Variants in NLRC3 observed in about 807,000 individuals in gnomAD.
NLRC3 encodes the protein NLR family CARD domain containing 3, also known as NLR family CARD domain-containing protein 3.
In NLRC3, 87 loss-of-function variants were observed where a neutral mutation model predicts 91.6. The observed-to-expected ratio is 0.95, with a 90% CI of 0.80 to 1.14. The LOEUF (loss-of-function observed/expected upper bound fraction) is 1.14. Among genes scored for constraint, NLRC3 ranks in the 50% most tolerant of loss-of-function variants. The pLI, the probability that NLRC3 is intolerant of heterozygous loss-of-function variation, is 0.00. For missense variants in NLRC3, 1,577 were observed against 1,418.6 expected (o/e 1.11, Z -1.79); for synonymous variants, 694 against 625.3 (o/e 1.11, Z -1.64).
At chr16:3,574,773 C>G (rs914639634) in intron 1 of NLRC3, among the ~76,000 whole-genome samples, 1 of 152,104 alleles carries the variant, frequency 6.6e-6, no homozygotes, top group Non-Finnish European at 1.5e-5. Flanking sequence ...ACCAGCCTGA[C>G]CAACATGGCG....
intron 10 of NLRC3, 132 bp downstream of exon 10, chr16:3,552,064 T>C (rs539429676): frequency 3.2e-6 from 2 of 632,158 alleles, no homozygotes; most frequent in Admixed American, 2.6e-5. Context: ...CATCCATCCA[T>C]CCACCCACCC....
intron 6 of NLRC3, among the ~76,000 whole-genome samples, chr16:3,558,363 C>A (rs756732353): frequency 6.6e-6 from 1 of 152,000 alleles, no homozygotes; most frequent in Non-Finnish European, 1.5e-5. Context: ...CAAATGCTAG[C>A]AAACTGATTT....
intron 9 of NLRC3, among the ~76,000 whole-genome samples, chr16:3,553,923 T>TTTTTA (rs1173597470): frequency 6.6e-6 from 1 of 151,178 alleles, no homozygotes; most frequent in East Asian, 1.9e-4. Flanking sequence ...TTTTTTTTTT[T>TTTTTA]TTTAGTAGAG....
In NLRC3 at chr16:3,564,594, C is replaced by T; in HGVS notation, c.343G>A (p.Gly115Ser). The T allele has an allele frequency of 1.2e-6, 2 of 1,611,220 alleles. No homozygotes were observed. The highest frequency in any genetic ancestry group is 1.7e-6 in the Non-Finnish European group (2 of 1,179,668). Reference sequence around the variant, plus strand: ...GCGACGGTCCTGGCGGGGTGCCCGCCCCCGCGGGTGGCCTCCACCTGTGTG... The same window carrying T: ...GCGACGGTCCTGGCGGGGTGCCCGCTCCCGCGGGTGGCCTCCACCTGTGTG... The part of the protein sequence containing the change: ...DFTQVEATRG[G>S]GHPARTVALD... The change falls in exon 5 of 20, where the codon GGC becomes AGC. Residue 115 changes from glycine to serine, a missense_variant. Gly to Ser is a moderately conservative substitution (Grantham distance 56). Transcript: ENST00000359128. The surrounding 1 kb of genome is among the most constrained non-coding windows in gnomAD (Gnocchi z 5.9).
At chr16:3,551,967 G>A (rs1265094899) in intron 10 of NLRC3, among the ~76,000 whole-genome samples, 1 of 115,866 alleles carries the variant, frequency 8.6e-6, no homozygotes, top group Non-Finnish European at 1.8e-5. Flanking sequence ...CCACTCATCA[G>A]TGTATCCCTT....
chr16:3,575,305 A>G (rs1490161884), intron 1 of NLRC3, among the ~76,000 whole-genome samples: 1 of 152,204 alleles, frequency 6.6e-6, no homozygotes, highest in Non-Finnish European at 1.5e-5. Context: ...CCCTGCACGC[A>G]GCCCTAACAT....
Position 3,548,806 on chromosome 16 carries a change from C to T in NLRC3, c.2604-53G>A, listed in dbSNP as rs1176441143. On this transcript the variant is annotated intron_variant, in intron 13 of 19. Coordinates refer to ENST00000359128, the MANE Select transcript of NLRC3 (RefSeq NM_178844.4). The stretch of plus-strand genomic sequence containing the variant: ...AGCCGGGGGCCGGCTGTGAAGCCTC[C>T]GGTCCTTGGTCACCAGGGATTCCAG... 43 of 1,277,990 alleles carry T rather than the reference C, an allele frequency of 3.4e-5. No individual in the cohort carries two copies. In the East Asian group the frequency reaches 5.7e-4, roughly 17 times the overall value. The allele number at this position is 1,277,990 out of a possible 1,614,324, so 79.2% of individuals were successfully genotyped here.
At chr16:3,566,791 T>C (rs1303734328) in intron 2 of NLRC3, among the ~76,000 whole-genome samples, 1 of 151,580 alleles carries the variant, frequency 6.6e-6, no homozygotes, top group Non-Finnish European at 1.5e-5. Flanking sequence ...CTCAGGAGGC[T>C]GAGGCAGGAC....
chr16:3,551,021 C>G (rs1423640212), intron 10 of NLRC3, among the ~76,000 whole-genome samples: 2 of 151,910 alleles, frequency 1.3e-5, no homozygotes, highest in African/African-American at 4.8e-5. Flanking sequence ...ACCTACTCAC[C>G]TACCCACTTA....
intron 1 of NLRC3, among the ~76,000 whole-genome samples, chr16:3,576,212 T>C (rs2040285428): frequency 6.6e-6 from 1 of 152,148 alleles, no homozygotes; most frequent in Non-Finnish European, 1.5e-5. Flanking sequence ...AGCCTGGCCA[T>C]AGGGGAAGAC....
chr16:3,543,974 T>G, intron 16 of NLRC3: 1 of 420,766 alleles, frequency 2.4e-6, no homozygotes, highest in South Asian at 2.9e-5. Context: ...GCCAATATGG[T>G]GAAACCCCGT....
intron 19 of NLRC3, 54 bp downstream of exon 19, chr16:3,542,137 G>A (rs1433970632): frequency 7.7e-7 from 1 of 1,292,840 alleles, no homozygotes; most frequent in Non-Finnish European, 1.1e-6. Context: ...GCAAAAGGCA[G>A]TGCGCCACCT....
intron 19 of NLRC3, 75 bp downstream of exon 19, chr16:3,542,116 C>T: frequency 1.8e-6 from 2 of 1,119,322 alleles, no homozygotes; most frequent in South Asian, 1.3e-5. Context: ...TCAGCTGGCT[C>T]TCAGAACTGG....
At chr16:3,544,644 A>C (rs2038596843) in intron 15 of NLRC3, 1 of 325,320 alleles carries the variant, frequency 3.1e-6, no homozygotes, top group African/African-American at 2.1e-5. Context: ...AAATGAACTT[A>C]AAGCCCTCAA....
intron 11 of NLRC3, among the ~76,000 whole-genome samples, 170 bp downstream of exon 11, chr16:3,550,244 G>A (rs2038922452): frequency 6.6e-6 from 1 of 152,236 alleles, no homozygotes; most frequent in African/African-American, 2.4e-5. Flanking sequence ...AGCCCCCACT[G>A]TCTAGGGAAA....
chr16:3,540,496 G>A lies in NLRC3; in HGVS notation c.*1329C>T, dbSNP rs2038352446. The stretch of plus-strand genomic sequence containing the variant: ...AGCTGTGGCCACAGCAGTGGCTTTG[G>A]AAGCCTAGTAAGGAATGACATCACT... On this transcript the variant is annotated 3_prime_UTR_variant, in exon 20 of 20. Coordinates refer to ENST00000359128, the MANE Select transcript of NLRC3 (RefSeq NM_178844.4). 1 of 152,184 alleles carries A rather than the reference G, an allele frequency of 6.6e-6. No homozygotes were observed. Among genetic ancestry groups the A allele is most frequent in the Non-Finnish European group, 1.5e-5 (1 of 68,040 alleles). 9.4% of individuals were successfully genotyped at this position (152,184 alleles called of 1,614,324 possible). A position where few individuals can be genotyped will look rare whatever the true frequency, so the allele number is the denominator to read the frequency against.
chr16:3,544,282 C>T lies in NLRC3; in HGVS notation c.2819G>A (p.Arg940His), dbSNP rs371668578. The T allele has an allele frequency of 1.6e-4, 252 of 1,612,908 alleles. 1 individual carries two copies. Among genetic ancestry groups the T allele is most frequent in the Middle Eastern group, 1.5e-3 (9 of 6,082 alleles). ...IGDDGACAVA[R>H]ALKVNTALTA... ...GAGGGCTGTGTTGACCTTCAGTGCACGGGCCACCGCACACGCTCCGTCATC... is the reference window on the plus strand; with the variant it reads ...GAGGGCTGTGTTGACCTTCAGTGCATGGGCCACCGCACACGCTCCGTCATC... Residue 940 changes from arginine (R) to histidine (H), a missense_variant, in exon 16 of 20, where the codon CGT becomes CAT. Physicochemically the swap from Arg to His is conservative, Grantham distance 29. Coordinates refer to ENST00000359128, the MANE Select transcript of NLRC3 (RefSeq NM_178844.4).
rs751013625 is a variant in NLRC3, at chr16:3,563,688, C to T, written c.1249G>A (p.Glu417Lys). ...ACACCAAACGCCTTCATGTCTTGCT[C>T]GTAAAACACGTATTTCTTCTTGAGC... ...GLLKKKYVFY[E>K]QDMKAFGVDL... The change falls in exon 5 of 20, where the codon GAG becomes AAG. Residue 417 changes from glutamate to lysine, a missense_variant. Transcript: ENST00000359128. 1.7e-5 allele frequency: 27 copies of T among 1,613,582 alleles called. No homozygotes were observed. Among genetic ancestry groups the T allele is most frequent in the Admixed American group, 1.5e-4 (9 of 59,982 alleles).
rs768995273 is a variant in NLRC3 at position 3,564,503 on chromosome 16, C to A, written c.434G>T (p.Gly145Val). The change falls in exon 5 of 20, where the codon GGG becomes GTG. Residue 145 changes from glycine to valine, a missense_variant. Coordinates refer to ENST00000359128, the MANE Select transcript of NLRC3 (RefSeq NM_178844.4). This position sits in a 1 kb window ranked among gnomAD's most constrained non-coding sequence, Gnocchi z 5.9. ...SVPPRVSITIGVAGMGKTTLV... is the reference protein window; with the variant it reads ...SVPPRVSITIVVAGMGKTTLV... ...GGTGGTCTTGCCCATGCCGGCCACC[C>A]CGATAGTGATGGAGACCCGGGGTGG... 6.2e-7 allele frequency: 1 copy of A among 1,612,440 alleles called. No homozygotes were observed.
Sources: allele counts gnomAD v4.1 joint callset (sites outside exome capture counted in the v4.1 genomes callset), GRCh38; gene constraint gnomAD v4.1.1; non-coding constraint Gnocchi (gnomAD v3.1); transcripts MANE v1.5; gene names NCBI Gene and HGNC (gene_info 2026-07-23, HGNC 2026-07-21).